Variants in KMT2C observed in about 807,000 individuals in gnomAD.
The protein encoded by KMT2C is histone-lysine N-methyltransferase 2C.
KMT2C carries 88 observed loss-of-function variants against 507.9 expected under a neutral mutation model. The observed-to-expected ratio is 0.17, with a 90% CI of 0.15 to 0.21. KMT2C has a LOEUF of 0.21. Ranked by LOEUF, KMT2C falls within the 10% of genes least tolerant of loss-of-function variation. The pLI is 1.00. For synonymous variants in KMT2C, 2,049 were observed against 2,080.8 expected, an observed-to-expected ratio of 0.98 and a Z score of 0.42; for missense variants, 4,954 against 5,957.8, an observed-to-expected ratio of 0.83 and a Z score of 5.55.
chr7:152,433,074 C>T (rs779324516), intron 1 of KMT2C, among the ~76,000 whole-genome samples: 26 of 150,950 alleles, frequency 1.7e-4, no homozygotes, highest in Non-Finnish European at 3.2e-4. Flanking sequence ...CTTGAATACA[C>T]GAGGCAGAGG....
intron 16 of KMT2C, among the ~76,000 whole-genome samples, chr7:152,233,239 C>T (rs1226525549): frequency 6.6e-6 from 1 of 152,078 alleles, no homozygotes; most frequent in Non-Finnish European, 1.5e-5. Context: ...ATTTCATGAC[C>T]GTTAGACTGC....
intron 1 of KMT2C, among the ~76,000 whole-genome samples, chr7:152,412,777 G>A (rs1250799972): frequency 6.6e-6 from 1 of 152,192 alleles, no homozygotes; most frequent in Non-Finnish European, 1.5e-5. Context: ...GGGGGGGATG[G>A]TGCTGGTAAA....
chr7:152,300,987 G>C (rs1412257515), intron 6 of KMT2C, among the ~76,000 whole-genome samples: 1 of 152,012 alleles, frequency 6.6e-6, no homozygotes, highest in African/African-American at 2.4e-5. Flanking sequence ...GAACCAGGGA[G>C]GCAGAGGTTG....
rs556030171 is a variant in KMT2C, at chr7:152,407,666, T to C, written c.161+27960A>G. ...TAGCCTGGGCGACACAGCGAGACTC[T>C]GTCTCAAAAAAAAAAAAAAGGTAGC... On this transcript the variant is annotated intron_variant, in intron 1 of 58. Coordinates refer to ENST00000262189, the MANE Select transcript of KMT2C (RefSeq NM_170606.3). Among the ~76,000 whole-genome samples, 9 of 145,528 alleles carry C rather than the reference T, an allele frequency of 6.2e-5. No homozygotes were observed. The East Asian group carries it at 1.8e-3, about 29-fold the overall frequency.
intron 7 of KMT2C, among the ~76,000 whole-genome samples, chr7:152,272,658 A>C (rs2095998840): frequency 1.3e-5 from 2 of 152,200 alleles, no homozygotes; most frequent in Admixed American, 1.3e-4. Flanking sequence ...AATATAATTT[A>C]AAATTCTAGT....
In KMT2C at chr7:152,162,978, C is replaced by A. The variant is rs1409570941; in HGVS notation, c.10599G>T (p.Lys3533Asn). 3 of 1,614,162 alleles carry A rather than the reference C, an allele frequency of 1.9e-6. No homozygotes were observed. The highest frequency in any genetic ancestry group is 2.5e-6 in the Non-Finnish European group (3 of 1,180,030). Reference protein sequence around the residue: ...PVGSPNFSSVKQGHGNLSGTS... With the variant: ...PVGSPNFSSVNQGHGNLSGTS... ...TCCCAGAAAGATTTCCATGTCCCTG[C>A]TTCACAGAAGAAAAATTTGGGCTTC... is the stretch of plus-strand genomic sequence containing the variant. The change falls in exon 43 of 59, where the codon AAG becomes AAT. Residue 3533 changes from lysine (K) to asparagine (N), a missense_variant. Physicochemically the swap from Lys to Asn is moderately conservative, Grantham distance 94. Coordinates refer to ENST00000262189, the MANE Select transcript of KMT2C (RefSeq NM_170606.3).
intron 2 of KMT2C, among the ~76,000 whole-genome samples, chr7:152,354,987 A>G (rs750191258): frequency 6.6e-5 from 10 of 152,224 alleles, no homozygotes; most frequent in Non-Finnish European, 1.3e-4. Context: ...TGAAAAGGAA[A>G]AAGACCAGTT....
At chr7:152,238,282 A>G (rs1378456748) in intron 15 of KMT2C, among the ~76,000 whole-genome samples, 1 of 152,284 alleles carries the variant, frequency 6.6e-6, no homozygotes, top group Non-Finnish European at 1.5e-5. Context: ...GTCATGGGGG[A>G]AAAAGCCTTG....
At position 152,167,166 on chromosome 7, in the gene KMT2C, C is replaced by T; in HGVS notation, c.9730G>A (p.Val3244Ile). The T allele has an allele frequency of 6.2e-7, 1 of 1,614,066 alleles. No individual in the cohort carries two copies. The highest frequency in any genetic ancestry group is 8.5e-7 in the Non-Finnish European group (1 of 1,179,950). Reference sequence around the variant, plus strand: ...ATTACCTGTTCTAGCTGTTTCTGAACCATGCTTTGCTGTTCAGTAACATGC... The same window carrying T: ...ATTACCTGTTCTAGCTGTTTCTGAATCATGCTTTGCTGTTCAGTAACATGC... ...LKHVTEQQSMVQKQLEQIRKQ... is the reference protein window; with the variant it reads ...LKHVTEQQSMIQKQLEQIRKQ... The change falls in exon 42 of 59, where the codon GTT becomes ATT. Residue 3244 changes from valine to isoleucine, a missense_variant. By Grantham distance (29) the Val-to-Ile change is conservative (BLOSUM62 3). Coordinates refer to ENST00000262189, the MANE Select transcript of KMT2C (RefSeq NM_170606.3).
At chr7:152,147,707 C>CAAAAA (rs762588729) in intron 52 of KMT2C, among the ~76,000 whole-genome samples, 18 of 46,654 alleles carry the variant, frequency 3.9e-4, no homozygotes, top group South Asian at 7.1e-4. Context: ...AACTCCGTCT[C>CAAAAA]AAAAAAAAAA....
At chr7:152,366,154 AATG>A (rs2097242016) in intron 1 of KMT2C, among the ~76,000 whole-genome samples, 1 of 152,088 alleles carries the variant, frequency 6.6e-6, no homozygotes, top group Admixed American at 6.5e-5. Flanking sequence ...GGGAACATAA[AATG>A]ATATGGGCCC....
intron 16 of KMT2C, among the ~76,000 whole-genome samples, chr7:152,233,822 C>T (rs1028519121): frequency 7.9e-5 from 12 of 152,108 alleles, no homozygotes; most frequent in African/African-American, 2.9e-4. Context: ...AAATAGGTAC[C>T]TATTAAAGAA....
chr7:152,160,912 T>C (rs1272919165), intron 43 of KMT2C, among the ~76,000 whole-genome samples: 1 of 151,990 alleles, frequency 6.6e-6, no homozygotes, highest in Non-Finnish European at 1.5e-5. Context: ...TATTTGAGAT[T>C]GGGAGAGGTG....
chr7:152,391,434 G>A (rs911026228), intron 1 of KMT2C, among the ~76,000 whole-genome samples: 1 of 150,870 alleles, frequency 6.6e-6, no homozygotes, highest in Non-Finnish European at 1.5e-5. Context: ...TAGAGACAGG[G>A]TTTTGCCATG....
chr7:152,389,891 C>T (rs1589672622), intron 1 of KMT2C, among the ~76,000 whole-genome samples: 2 of 152,294 alleles, frequency 1.3e-5, no homozygotes, highest in South Asian at 2.1e-4. Context: ...TCATGTCCTT[C>T]GCAGCAACAT....
chr7:152,213,961 T>C lies in KMT2C; in HGVS notation c.3713-6533A>G, dbSNP rs546133719. On this transcript the variant is annotated intron_variant, in intron 23 of 58. Coordinates refer to ENST00000262189, the MANE Select transcript of KMT2C (RefSeq NM_170606.3). The stretch of plus-strand genomic sequence containing the variant: ...AAGTCACACAAATGGTCAAATGGTA[T>C]ATGAAAAGATGCTCAACATCATAAT... Among the ~76,000 whole-genome samples the C allele has an allele frequency of 2.6e-3, 395 of 152,220 alleles. 3 individuals carry two copies. Among genetic ancestry groups the C allele is most frequent in the Middle Eastern group, 0.01 (3 of 294 alleles).
At chr7:152,150,328 G>A (rs1049077081) in intron 51 of KMT2C, among the ~76,000 whole-genome samples, 2 of 152,110 alleles carry the variant, frequency 1.3e-5, no homozygotes, top group African/African-American at 4.8e-5. Context: ...AAAATATTAA[G>A]ATATTTACGG....
chr7:152,222,117 G>A, intron 21 of KMT2C, 51 bp from the exon 22 acceptor site: 2 of 1,225,916 alleles, frequency 1.6e-6, no homozygotes, highest in Non-Finnish European at 1.2e-6. Context: ...AAGGTAAAGT[G>A]TATTTAAATA....
At chr7:152,429,809 G>A (rs374850381) in intron 1 of KMT2C, among the ~76,000 whole-genome samples, 77 of 151,378 alleles carry the variant, frequency 5.1e-4, no homozygotes, top group African/African-American at 1.6e-3. Flanking sequence ...GTGAGCCACC[G>A]TGCCCAGCCT....
Sources: gnomAD v4.1 joint callset for allele counts (sites outside exome capture counted in the v4.1 genomes callset) on GRCh38, gnomAD v4.1.1 for gene constraint, MANE v1.5 for transcripts, NCBI Gene and HGNC (gene_info 2026-07-23, HGNC 2026-07-21) for gene names.